The following BRD7 variants were observed in gnomAD, a reference collection of about 807,000 sequenced individuals.
The protein encoded by BRD7 is bromodomain-containing protein 7.
In BRD7, 15 loss-of-function variants were observed where a neutral mutation model predicts 82.1. That is an observed-to-expected ratio of 0.18 (90% CI 0.12 to 0.28). BRD7 has a LOEUF of 0.28. Among genes scored for constraint, BRD7 ranks in the 10% least tolerant of loss-of-function variants. BRD7 has a pLI of 1.00. For missense variants in BRD7, 638 were observed against 779.9 expected (o/e 0.82, Z 2.17); for synonymous variants, 232 against 266.9 (o/e 0.87, Z 1.27).
At chr16:50,354,739 C>G (rs868722256) in intron 3 of BRD7, 54 bp downstream of exon 3, 11 of 1,572,036 alleles carry the variant, frequency 7.0e-6, no homozygotes, top group South Asian at 5.9e-5. Context: ...TTTTCCTGAG[C>G]TATAATGATT....
intron 2 of BRD7, among the ~76,000 whole-genome samples, chr16:50,367,738 C>A (rs954572836): frequency 6.6e-6 from 1 of 152,200 alleles, no homozygotes; most frequent in Non-Finnish European, 1.5e-5. Context: ...CCCAGTAGAT[C>A]CCACTCGCTT....
At chr16:50,332,607 A>G (rs1398383212) in intron 8 of BRD7, among the ~76,000 whole-genome samples, 1 of 152,200 alleles carries the variant, frequency 6.6e-6, no homozygotes, top group Non-Finnish European at 1.5e-5. Flanking sequence ...TAAAAATAGA[A>G]TTACAATTTG....
intron 8 of BRD7, 100 bp downstream of exon 8, chr16:50,333,474 T>C: frequency 6.9e-7 from 1 of 1,439,902 alleles, no homozygotes; most frequent in Non-Finnish European, 9.5e-7. Context: ...AAGAGCTCTA[T>C]GGCAGATATG....
chr16:50,338,787 T>G (rs1331027924), intron 6 of BRD7, among the ~76,000 whole-genome samples: 1 of 152,192 alleles, frequency 6.6e-6, no homozygotes, highest in African/African-American at 2.4e-5. Flanking sequence ...GTAGTTAATG[T>G]CTTGCCCAAA....
chr16:50,335,575 C>A (rs921386204), intron 6 of BRD7, among the ~76,000 whole-genome samples: 4 of 151,934 alleles, frequency 2.6e-5, no homozygotes, highest in Admixed American at 1.3e-4. Flanking sequence ...ATATTTGTTT[C>A]TACTGACTAC....
At chr16:50,345,138 T>G (rs1410843301) in intron 5 of BRD7, among the ~76,000 whole-genome samples, 2 of 152,216 alleles carry the variant, frequency 1.3e-5, no homozygotes, top group African/African-American at 2.4e-5. Context: ...AAAAGAATTT[T>G]CAACCCAGAA....
intron 4 of BRD7, among the ~76,000 whole-genome samples, chr16:50,354,025 T>C (rs2038640460): frequency 6.6e-6 from 1 of 152,230 alleles, no homozygotes; most frequent in Non-Finnish European, 1.5e-5. Flanking sequence ...AATTCCTATT[T>C]ATGGTGTTTT....
chr16:50,324,710 T>C (rs778714074), intron 11 of BRD7, among the ~76,000 whole-genome samples: 18 of 152,350 alleles, frequency 1.2e-4, no homozygotes, highest in Non-Finnish European at 2.1e-4. Flanking sequence ...TAAAAGTGCA[T>C]CCCTCTCGTA....
At chr16:50,368,366 A>T in intron 1 of BRD7, 68 bp from the exon 2 acceptor site, 2 of 1,510,102 alleles carry the variant, frequency 1.3e-6, no homozygotes, top group Non-Finnish European at 9.0e-7. Flanking sequence ...GGGAGTGCTA[A>T]GGATGCAGAG....
chr16:50,322,156 G>T, intron 12 of BRD7, 118 bp from the exon 13 acceptor site: 1 of 750,226 alleles, frequency 1.3e-6, no homozygotes, highest in Non-Finnish European at 2.2e-6. Flanking sequence ...ATGGACTACT[G>T]GAATATAATT....
chr16:50,353,071 C>T lies in BRD7; in HGVS notation c.446+1354G>A, dbSNP rs1217104111. ...AAAAAAGAAGAGAGATCAGTAAGTT[C>T]TTTTTTTTTTTTTTTTAGAAAAGAT... On this transcript the variant is annotated intron_variant, in intron 4 of 16. Coordinates refer to ENST00000394688, the MANE Select transcript of BRD7 (RefSeq NM_013263.5). 4.8e-5 allele frequency among the ~76,000 whole-genome samples: 7 copies of T among 144,778 alleles called. 1 individual carries two copies. Among genetic ancestry groups the T allele is most frequent in the South Asian group, 4.4e-4 (2 of 4,574 alleles). The allele number at this position is 144,778 out of a possible 152,430, so 95.0% of individuals were successfully genotyped here.
At chr16:50,323,079 G>C (rs1445487385) in intron 12 of BRD7, among the ~76,000 whole-genome samples, 1 of 152,180 alleles carries the variant, frequency 6.6e-6, no homozygotes, top group Non-Finnish European at 1.5e-5. Context: ...ACATTTTCTG[G>C]TTCTAATCCT....
chr16:50,357,404 T>C (rs895740661), intron 2 of BRD7, among the ~76,000 whole-genome samples: 2 of 152,238 alleles, frequency 1.3e-5, no homozygotes, highest in African/African-American at 4.8e-5. Context: ...AGTTGGTTAA[T>C]GTATTTTTAC....
intron 11 of BRD7, among the ~76,000 whole-genome samples, chr16:50,324,228 ATC>A (rs1200565800): frequency 6.6e-6 from 1 of 151,894 alleles, no homozygotes; most frequent in East Asian, 1.9e-4. Flanking sequence ...AAGCCTCGGC[ATC>A]TCTCTCTCAC....
chr16:50,333,473 A>G, intron 8 of BRD7, 101 bp downstream of exon 8: 1 of 1,433,820 alleles, frequency 7.0e-7, no homozygotes, highest in South Asian at 1.3e-5. Context: ...GAAGAGCTCT[A>G]TGGCAGATAT....
rs143647824 is a variant in BRD7, at chr16:50,355,611, G to A, written c.259-689C>T. On this transcript the variant is annotated intron_variant, in intron 2 of 16. Transcript: ENST00000394688. ...TGACATTATAAGTCAATGACAAAAGGGTGGTGCTGAGACAACTGTTACCTG... is the reference window on the plus strand; with the variant it reads ...TGACATTATAAGTCAATGACAAAAGAGTGGTGCTGAGACAACTGTTACCTG... Among the ~76,000 whole-genome samples the A allele has an allele frequency of 6.4e-3, 975 of 152,258 alleles. 14 individuals carry two copies. Among genetic ancestry groups the A allele is most frequent in the African/African-American group, 0.022 (915 of 41,546 alleles).
intron 5 of BRD7, among the ~76,000 whole-genome samples, chr16:50,347,625 CAGAG>C (rs558203272): frequency 1.2e-3 from 176 of 152,264 alleles, no homozygotes; most frequent in African/African-American, 4.0e-3. Flanking sequence ...AACAGACAAA[CAGAG>C]AGCCAAATCA....
chr16:50,332,491 T>TA (rs1441367885), intron 8 of BRD7, among the ~76,000 whole-genome samples: 1 of 151,978 alleles, frequency 6.6e-6, no homozygotes, highest in African/African-American at 2.4e-5. Context: ...ACTCAAAAAA[T>TA]AAGAGATGCT....
At chr16:50,326,247 G>A (rs759592933) in intron 10 of BRD7, 37 bp downstream of exon 10, 1 of 1,548,456 alleles carries the variant, frequency 6.5e-7, no homozygotes. Flanking sequence ...TCCCAAAACA[G>A]AGAAGAGAAA....
Sources: gnomAD v4.1 joint callset for allele counts (sites outside exome capture counted in the v4.1 genomes callset) on GRCh38, gnomAD v4.1.1 for gene constraint, MANE v1.5 for transcripts, NCBI Gene and HGNC (gene_info 2026-07-23, HGNC 2026-07-21) for gene names.